MGAT4C: variants seen among roughly 807,000 people sequenced by gnomAD.
The protein encoded by MGAT4C is alpha-1,3-mannosyl-glycoprotein 4-beta-N-acetylglucosaminyltransferase C.
Under a neutral mutation model 40.1 loss-of-function variants are expected in MGAT4C, and 19 were observed. The observed-to-expected ratio is 0.47, with a 90% CI of 0.33 to 0.70. The LOEUF is 0.70. MGAT4C is among the 30% of genes least tolerant of loss of function. The probability of loss-of-function intolerance (pLI) is 0.02; values close to 1 mark genes in which losing one functional copy is unlikely to be tolerated. For missense variants in MGAT4C, 491 were observed against 563.2 expected (o/e 0.87, Z 1.30); for synonymous variants, 181 against 187.1 (o/e 0.97, Z 0.27).
intron 4 of MGAT4C, among the ~76,000 whole-genome samples, chr12:86,298,044 C>T (rs893070761): frequency 6.6e-6 from 1 of 151,880 alleles, no homozygotes; most frequent in African/African-American, 2.4e-5. Flanking sequence ...TACATGCACA[C>T]AACTAGTAGA....
In MGAT4C at chr12:86,705,216, CTCTATCTATCTATCTATCTA is replaced by C. The variant is rs36154098; in HGVS notation, c.-229+21973_-229+21992del. On this transcript the variant is annotated intron_variant, in intron 2 of 7. Coordinates refer to the MGAT4C transcript ENST00000548651. ...AATTATCTATCTATCTGTCTATTAT[CTCTATCTATCTATCTATCTA>C]TCTATCTATCTATCTATCTATCTAT... Among the ~76,000 whole-genome samples the C allele has an allele frequency of 6.8e-3, 998 of 147,696 alleles. 8 individuals are homozygous for C. The highest frequency in any genetic ancestry group is 0.024 in the African/African-American group (959 of 39,984).
At chr12:86,485,780 A>T (rs1229748382) in intron 2 of MGAT4C, among the ~76,000 whole-genome samples, 1 of 152,158 alleles carries the variant, frequency 6.6e-6, no homozygotes, top group Non-Finnish European at 1.5e-5. Flanking sequence ...TAATCATCAT[A>T]TTCACCAAGA....
In MGAT4C at chr12:85,970,806, A is replaced by T. The variant is rs1883587126; in HGVS notation, c.*8483T>A. The T allele has an allele frequency of 6.6e-6, 1 of 151,326 alleles. No individual in the cohort carries two copies. The highest frequency in any genetic ancestry group is 1.5e-5 in the Non-Finnish European group (1 of 67,396). 9.4% of individuals were successfully genotyped at this position (151,326 alleles called of 1,614,324 possible). A position where few individuals can be genotyped will look rare whatever the true frequency, so the allele number is the denominator to read the frequency against. The stretch of plus-strand genomic sequence containing the variant: ...GCAAGATAATAAATTCACTAATGTG[A>T]AATGTTGATATAGTATGTACAACTT... On this transcript the variant is annotated 3_prime_UTR_variant, in exon 5 of 5. Coordinates refer to ENST00000611864, the MANE Select transcript of MGAT4C (RefSeq NM_001351288.2).
intron 1 of MGAT4C, among the ~76,000 whole-genome samples, chr12:86,728,636 A>G (rs1199121930): frequency 1.3e-5 from 2 of 152,172 alleles, no homozygotes; most frequent in Non-Finnish European, 2.9e-5. Flanking sequence ...GGTTACAGTG[A>G]GCTGAGATCT....
rs839091 is a variant in MGAT4C, at chr12:86,096,775, C to A, written c.-56-47052G>T. On this transcript the variant is annotated intron_variant, in intron 1 of 4. Coordinates refer to ENST00000611864, the MANE Select transcript of MGAT4C (RefSeq NM_001351288.2). ...TCTTTATAATAATGTCATAACAATA[C>A]GACTAAAATCCTTGTAAAGTTCTAT... is the stretch of plus-strand genomic sequence containing the variant. Among the ~76,000 whole-genome samples the A allele has an allele frequency of 4.0e-5, 6 of 151,246 alleles. No individual in the cohort carries two copies. In the East Asian group the frequency reaches 9.7e-4, roughly 24 times the overall value.
intron 2 of MGAT4C, among the ~76,000 whole-genome samples, chr12:86,631,245 A>T (rs969089024): frequency 3.9e-5 from 6 of 152,148 alleles, no homozygotes; most frequent in African/African-American, 1.4e-4. Context: ...CTGCTCAATG[A>T]AATAAAGGAG....
chr12:86,059,045 T>G (rs1893676702), intron 1 of MGAT4C, among the ~76,000 whole-genome samples: 1 of 152,170 alleles, frequency 6.6e-6, no homozygotes, highest in Non-Finnish European at 1.5e-5. Context: ...GCTTTTTATT[T>G]GTTTTGTTTT....
intron 2 of MGAT4C, among the ~76,000 whole-genome samples, chr12:86,653,430 T>C (rs1963751678): frequency 6.6e-6 from 1 of 151,928 alleles, no homozygotes; most frequent in Non-Finnish European, 1.5e-5. Flanking sequence ...CTTTATTCTA[T>C]GGAAATATCA....
chr12:86,232,679 G>A (rs542028253), intron 1 of MGAT4C, among the ~76,000 whole-genome samples: 2 of 152,316 alleles, frequency 1.3e-5, no homozygotes, highest in African/African-American at 4.8e-5. Context: ...GTTTATTAAT[G>A]CATCAACAAG....
At chr12:86,630,279 A>G (rs187038518) in intron 2 of MGAT4C, among the ~76,000 whole-genome samples, 2 of 152,246 alleles carry the variant, frequency 1.3e-5, no homozygotes, top group Admixed American at 1.3e-4. Flanking sequence ...CCAACCAAAA[A>G]AAGTCCAGGA....
intron 2 of MGAT4C, among the ~76,000 whole-genome samples, chr12:86,560,499 C>T (rs1316157721): frequency 1.3e-5 from 2 of 151,950 alleles, no homozygotes; most frequent in African/African-American, 2.4e-5. Context: ...AATCAACAAA[C>T]GTAATATATC....
intron 3 of MGAT4C, among the ~76,000 whole-genome samples, chr12:86,400,508 G>C (rs1956336887): frequency 6.6e-6 from 1 of 152,124 alleles, no homozygotes; most frequent in African/African-American, 2.4e-5. Context: ...ATGCAGATTA[G>C]ATGGTAAGCC....
intron 1 of MGAT4C, among the ~76,000 whole-genome samples, chr12:86,213,609 C>T (rs1310210118): frequency 4.0e-5 from 6 of 150,160 alleles, no homozygotes; most frequent in Non-Finnish European, 8.9e-5. Context: ...TTCCTTAACA[C>T]CAATTATTTA....
chr12:86,289,024 C>T (rs1953431456), intron 4 of MGAT4C, among the ~76,000 whole-genome samples: 1 of 151,954 alleles, frequency 6.6e-6, no homozygotes, highest in South Asian at 2.1e-4. Flanking sequence ...AAGTTGTCTC[C>T]CAGGGTTTTT....
intron 1 of MGAT4C, among the ~76,000 whole-genome samples, chr12:86,838,008 G>A (rs1483964016): frequency 1.3e-5 from 2 of 152,104 alleles, no homozygotes; most frequent in Non-Finnish European, 2.9e-5. Flanking sequence ...AGGCATTGAG[G>A]TTTTCACTAA....
At chr12:85,984,328 A>T (rs1382039754) in intron 3 of MGAT4C, among the ~76,000 whole-genome samples, 1 of 152,152 alleles carries the variant, frequency 6.6e-6, no homozygotes, top group East Asian at 1.9e-4. Flanking sequence ...CACCAAATTA[A>T]GGTAATGTGT....
intron 3 of MGAT4C, among the ~76,000 whole-genome samples, chr12:86,380,246 T>G (rs17013981): frequency 0.064 from 9,808 of 152,174 alleles, 767 homozygotes; most frequent in East Asian, 0.25. Flanking sequence ...TACAAAAGGC[T>G]TCACACTGAC....
At chr12:86,501,318 C>T (rs1958336440) in intron 2 of MGAT4C, among the ~76,000 whole-genome samples, 1 of 151,970 alleles carries the variant, frequency 6.6e-6, no homozygotes, top group South Asian at 2.1e-4. Context: ...TCCCCCTTAG[C>T]ACATGTATTG....
chr12:85,997,267 A>G (rs931769066), intron 2 of MGAT4C, among the ~76,000 whole-genome samples: 2 of 152,166 alleles, frequency 1.3e-5, no homozygotes, highest in Non-Finnish European at 2.9e-5. Context: ...CTGTGATTCA[A>G]TTACCTTCCC....
Sources: allele counts gnomAD v4.1 joint callset (sites outside exome capture counted in the v4.1 genomes callset), GRCh38; gene constraint gnomAD v4.1.1; transcripts MANE v1.5; gene names NCBI Gene and HGNC (gene_info 2026-07-23, HGNC 2026-07-21).